The following KLHL20 variants were observed in gnomAD, a reference collection of about 807,000 sequenced individuals.
KLHL20 encodes kelch like family member 20, also known as kelch-like protein 20.
KLHL20 carries 29 observed loss-of-function variants against 69.5 expected under a neutral mutation model. That is an observed-to-expected ratio of 0.42 (90% confidence interval 0.31 to 0.57). KLHL20 has a LOEUF of 0.57. Ranked by LOEUF, KLHL20 falls within the 20% of genes least tolerant of loss-of-function variation. The pLI, the probability that KLHL20 is intolerant of heterozygous loss-of-function variation, is 0.18. For missense variants in KLHL20, 419 were observed against 776.0 expected (o/e 0.54, Z 5.47); for synonymous variants, 253 against 265.2 (o/e 0.95, Z 0.45).
chr1:173,734,292 T>C lies in KLHL20; in HGVS notation c.597+6T>C. The stretch of plus-strand genomic sequence containing the variant: ...CCCAACATAACTTTCAAGAGGTGAG[T>C]TGCACTTGGTGTTCCAATGCACCCA... On this transcript the variant is annotated splice_donor_region_variant and intron_variant, in intron 3 of 11. Coordinates refer to ENST00000209884, the MANE Select transcript of KLHL20 (RefSeq NM_014458.4). 1 of 1,613,674 alleles carries C rather than the reference T, an allele frequency of 6.2e-7. No individual in the cohort carries two copies. The highest frequency in any genetic ancestry group is 8.5e-7 in the Non-Finnish European group (1 of 1,179,610).
At chr1:173,766,060 A>G (rs1647682725) in intron 7 of KLHL20, 86 bp from the exon 8 acceptor site, 7 of 1,023,920 alleles carry the variant, frequency 6.8e-6, no homozygotes, top group Non-Finnish European at 9.4e-6. Context: ...AATATATATC[A>G]TATAAATCCA....
chr1:173,749,405 T>A (rs1317992503), intron 3 of KLHL20, among the ~76,000 whole-genome samples: 1 of 152,224 alleles, frequency 6.6e-6, no homozygotes, highest in Non-Finnish European at 1.5e-5. Flanking sequence ...CGTGTGGGGC[T>A]TAGAGTTCAG....
At chr1:173,779,501 C>T (rs1490510755) in intron 10 of KLHL20, among the ~76,000 whole-genome samples, 1 of 151,996 alleles carries the variant, frequency 6.6e-6, no homozygotes, top group Non-Finnish European at 1.5e-5. Flanking sequence ...CAGGCGCGTG[C>T]CACCATGTCC....
At chr1:173,779,746 C>T (rs1380264194) in intron 10 of KLHL20, among the ~76,000 whole-genome samples, 2 of 152,142 alleles carry the variant, frequency 1.3e-5, no homozygotes, top group African/African-American at 4.8e-5. Flanking sequence ...TATATTGCAA[C>T]TTAATGTTTC....
chr1:173,774,203 G>C (rs1648299178), intron 8 of KLHL20, 102 bp from the exon 9 acceptor site: 1 of 1,334,726 alleles, frequency 7.5e-7, no homozygotes. Flanking sequence ...TTTGACTATA[G>C]CAAGTCCGTG....
chr1:173,719,763 T>C (rs564285276), intron 2 of KLHL20, among the ~76,000 whole-genome samples: 1 of 152,358 alleles, frequency 6.6e-6, no homozygotes, highest in East Asian at 1.9e-4. Flanking sequence ...TTTCCCAAGA[T>C]ATTAATTTTC....
intron 8 of KLHL20, among the ~76,000 whole-genome samples, chr1:173,772,057 A>G (rs1294328950): frequency 6.6e-6 from 1 of 152,198 alleles, no homozygotes; most frequent in Non-Finnish European, 1.5e-5. Flanking sequence ...CTGAGTATGA[A>G]TTTGAACTAA....
chr1:173,781,868 T>G (rs1235317145), intron 10 of KLHL20: 4 of 325,558 alleles, frequency 1.2e-5, no homozygotes, highest in African/African-American at 2.2e-5. Flanking sequence ...GTTTGCTCAC[T>G]TCTAGTGAAC....
rs191930458 is a variant in KLHL20 at position 173,722,121 on chromosome 1, T to A, written c.23+6055T>A. On this transcript the variant is annotated intron_variant, in intron 2 of 11. Coordinates refer to ENST00000209884, the MANE Select transcript of KLHL20 (RefSeq NM_014458.4). The stretch of plus-strand genomic sequence containing the variant: ...CATGTCACCACACCTGGATAATTTT[T>A]AAATTTTTTCGTAGAGATGGAATCT... 4.6e-3 allele frequency among the ~76,000 whole-genome samples: 707 copies of A among 152,230 alleles called. 10 individuals are homozygous for A. The highest frequency in any genetic ancestry group is 0.034 in the South Asian group (165 of 4,820).
intron 11 of KLHL20, among the ~76,000 whole-genome samples, chr1:173,783,183 T>C (rs1222426784): frequency 1.3e-5 from 2 of 152,230 alleles, no homozygotes; most frequent in African/African-American, 4.8e-5. Context: ...GGTTTCCTTC[T>C]CAATAAAATG....
At chr1:173,726,046 CT>C (rs966022880) in intron 2 of KLHL20, among the ~76,000 whole-genome samples, 1 of 152,178 alleles carries the variant, frequency 6.6e-6, no homozygotes, top group African/African-American at 2.4e-5. Flanking sequence ...TCACTCCTAC[CT>C]TAATACTGCG....
chr1:173,749,003 TC>T (rs927002380), intron 3 of KLHL20, among the ~76,000 whole-genome samples: 18 of 152,130 alleles, frequency 1.2e-4, no homozygotes, highest in African/African-American at 4.3e-4. Context: ...TTCTAATCCT[TC>T]CTCCAAAGTG....
At chr1:173,748,918 G>A (rs1288520490) in intron 3 of KLHL20, among the ~76,000 whole-genome samples, 2 of 151,922 alleles carry the variant, frequency 1.3e-5, no homozygotes, top group Non-Finnish European at 2.9e-5. Flanking sequence ...TATAAGTTGC[G>A]TTTCAGATCT....
intron 6 of KLHL20, among the ~76,000 whole-genome samples, chr1:173,756,499 C>T (rs1485908439): frequency 6.6e-6 from 1 of 152,082 alleles, no homozygotes; most frequent in Non-Finnish European, 1.5e-5. Flanking sequence ...CCACTGTACT[C>T]CAGCCTGGGG....
intron 3 of KLHL20, chr1:173,741,643 C>T (rs765347214): frequency 1.0e-4 from 52 of 512,158 alleles, no homozygotes; most frequent in Admixed American, 3.3e-4. Context: ...GTAAATCGTC[C>T]TTTCTGGTGG....
chr1:173,719,108 A>AAAAAAAAAAAAG (rs1365422661), intron 2 of KLHL20, among the ~76,000 whole-genome samples: 2 of 151,912 alleles, frequency 1.3e-5, no homozygotes, highest in East Asian at 1.9e-4. Flanking sequence ...CCGTCTCAAA[A>AAAAAAAAAAAAG]AAAAAAAGAA....
At chr1:173,735,901 C>G (rs1197945425) in intron 3 of KLHL20, among the ~76,000 whole-genome samples, 3 of 151,246 alleles carry the variant, frequency 2.0e-5, no homozygotes, top group African/African-American at 7.3e-5. Context: ...GGTCTCCAAC[C>G]AACTCCATCC....
chr1:173,766,720 C>T (rs1458606685), intron 8 of KLHL20, among the ~76,000 whole-genome samples: 1 of 151,330 alleles, frequency 6.6e-6, no homozygotes, highest in Non-Finnish European at 1.5e-5. Flanking sequence ...GTGGATTTCC[C>T]ATAGGCTTTC....
intron 2 of KLHL20, among the ~76,000 whole-genome samples, chr1:173,718,727 TA>T (rs1221931011): frequency 6.6e-6 from 1 of 152,000 alleles, no homozygotes; most frequent in Non-Finnish European, 1.5e-5. Flanking sequence ...TCTCTTTAAA[TA>T]AATAAATAAA....
Sources: gnomAD v4.1 joint callset for allele counts (sites outside exome capture counted in the v4.1 genomes callset) on GRCh38, gnomAD v4.1.1 for gene constraint, MANE v1.5 for transcripts, NCBI Gene and HGNC (gene_info 2026-07-23, HGNC 2026-07-21) for gene names.